The following C3 variants were observed in gnomAD, a reference collection of about 807,000 sequenced individuals.
The protein encoded by C3 is complement C3.
Under a neutral mutation model 207.9 loss-of-function variants are expected in C3, and 97 were observed. The observed-to-expected ratio is 0.47, with a 90% confidence interval of 0.40 to 0.55. The LOEUF is 0.55. Ranked by LOEUF, C3 falls within the 20% of genes least tolerant of loss-of-function variation. The probability of loss-of-function intolerance (pLI) is 0.00; values close to 1 mark genes in which losing one functional copy is unlikely to be tolerated. For missense variants in C3, 1,684 were observed against 2,171.7 expected (o/e 0.78, Z 4.46); for synonymous variants, 848 against 857.6 (o/e 0.99, Z 0.20).
At chr19:6,706,574 G>A (rs1425510141) in intron 17 of C3, among the ~76,000 whole-genome samples, 1 of 151,858 alleles carries the variant, frequency 6.6e-6, no homozygotes, top group Non-Finnish European at 1.5e-5. Flanking sequence ...CCTCAGACAG[G>A]GGCCTCCTCT....
intron 2 of C3, 133 bp from the exon 3 acceptor site, chr19:6,718,545 G>A (rs1906469602): frequency 2.0e-6 from 2 of 1,012,566 alleles, no homozygotes; most frequent in Admixed American, 2.0e-5. Flanking sequence ...GTTTTGGGGA[G>A]GGAGGGGCAT....
chr19:6,709,710 T>C lies in C3; in HGVS notation c.1819A>G (p.Lys607Glu), dbSNP rs140637006. 149 of 1,613,612 alleles carry C rather than the reference T, an allele frequency of 9.2e-5. No individual in the cohort carries two copies. The highest frequency in any genetic ancestry group is 1.1e-4 in the Non-Finnish European group (135 of 1,179,940). ...TTACTCTGCGTCAGTTTGTTCTTCT[T>C]ATTCAGCACGAACACGCCCTTGTCC... Reference protein sequence around the residue: ...AVDKGVFVLNKKNKLTQSKIW... With the variant: ...AVDKGVFVLNEKNKLTQSKIW... Residue 607 changes from lysine (K) to glutamate (E), a missense_variant, in exon 14 of 41, where the codon AAG becomes GAG. Lys to Glu is a moderately conservative substitution (Grantham distance 56, BLOSUM62 1). This residue lies in a region of C3 where 1,280 missense variants were observed against 1,739.1 expected (regional missense o/e 0.74). Transcript: ENST00000245907.
intron 23 of C3, 140 bp from the exon 24 acceptor site, chr19:6,694,774 G>A (rs1392486046): frequency 5.5e-6 from 4 of 727,748 alleles, no homozygotes; most frequent in Non-Finnish European, 9.0e-6. Context: ...TGTGACTGCG[G>A]GGAGGGGAGG....
chr19:6,699,304 C>T (rs1967600399), intron 19 of C3, among the ~76,000 whole-genome samples: 2 of 148,002 alleles, frequency 1.4e-5, no homozygotes, highest in African/African-American at 2.5e-5. Flanking sequence ...CAAACTCCGA[C>T]CTCAAATGAT....
Position 6,713,295 on chromosome 19 carries a change from C to G in C3, c.897G>C (p.Glu299Asp), listed in dbSNP as rs1310478538. The G allele has an allele frequency of 2.5e-6, 4 of 1,613,666 alleles. No individual in the cohort carries two copies. The highest frequency in any genetic ancestry group is 1.7e-5 in the Admixed American group (1 of 59,994). Residue 299 changes from glutamate to aspartate, a missense_variant, in exon 9 of 41, where the codon GAG (glutamate) becomes GAC (aspartate). Around this residue, in one of 3 missense-constraint regions of C3, gnomAD observed 1,280 missense variants for 1,739.1 expected, o/e 0.74. Transcript: ENST00000245907. Reference protein sequence around the residue: ...KRIPIEDGSGEVVLSRKVLLD... With the variant: ...KRIPIEDGSGDVVLSRKVLLD... ...GCAGTACCTTCCGGCTCAGCACAACCTCCCCCGAGCCATCCTCAATCTGAG... is the reference window on the plus strand; with the variant it reads ...GCAGTACCTTCCGGCTCAGCACAACGTCCCCCGAGCCATCCTCAATCTGAG...
chr19:6,697,863 C>T, intron 19 of C3, 69 bp from the exon 20 acceptor site: 2 of 1,511,662 alleles, frequency 1.3e-6, no homozygotes, highest in Non-Finnish European at 1.8e-6. Context: ...TCCTGGGTCT[C>T]AGCTCTTAGT....
At chr19:6,704,162 T>A (rs1342536015) in intron 17 of C3, among the ~76,000 whole-genome samples, 2 of 151,744 alleles carry the variant, frequency 1.3e-5, no homozygotes, top group African/African-American at 2.4e-5. Flanking sequence ...GCACCTGTAG[T>A]CCTAGCTACT....
Position 6,719,231 on chromosome 19 carries a change from T to C in C3, c.247A>G (p.Met83Val). Reference sequence around the variant, plus strand: ...CTCACCGTGAAGGTGACGTTGCCCATGTGGTTGGTGGCAGGGGTCAGCACA... The same window carrying C: ...CTCACCGTGAAGGTGACGTTGCCCACGTGGTTGGTGGCAGGGGTCAGCACA... ...KTVLTPATNH[M>V]GNVTFTIPAN... Residue 83 changes from methionine to valine, a missense_variant, in exon 2 of 41, where the codon ATG becomes GTG. By Grantham distance (21) the Met-to-Val change is conservative. Transcript: ENST00000245907. The surrounding 1 kb of genome is among the most constrained non-coding windows in gnomAD (Gnocchi z 5.4). 1.2e-6 allele frequency: 2 copies of C among 1,613,782 alleles called. No individual in the cohort carries two copies. The highest frequency in any genetic ancestry group is 1.1e-5 in the South Asian group (1 of 91,066).
intron 8 of C3, 24 bp downstream of exon 8, chr19:6,713,383 C>T: frequency 6.2e-7 from 1 of 1,613,870 alleles, no homozygotes; most frequent in Non-Finnish European, 8.5e-7. Context: ...GGGCAGGGAT[C>T]AAAGCGGCCT....
intron 17 of C3, among the ~76,000 whole-genome samples, chr19:6,704,758 C>CA (rs1967738647): frequency 6.6e-6 from 1 of 151,744 alleles, no homozygotes; most frequent in Non-Finnish European, 1.5e-5. Context: ...GACTCCATCT[C>CA]AAAAAAACAA....
intron 13 of C3, among the ~76,000 whole-genome samples, 190 bp downstream of exon 13, chr19:6,710,449 G>A (rs370176057): frequency 3.7e-4 from 55 of 149,924 alleles, no homozygotes; most frequent in African/African-American, 1.3e-3. Context: ...TGTAGAGAGA[G>A]GGAAAGAGAG....
rs117444774 is a variant in C3 at position 6,712,717 on chromosome 19, C to T, written c.1004-94G>A. 3.9e-3 allele frequency: 4,053 copies of T among 1,042,940 alleles called. 79 individuals carry two copies. Among genetic ancestry groups the T allele is most frequent in the East Asian group, 0.024 (1,035 of 42,292 alleles). The allele number at this position is 1,042,940 out of a possible 1,614,324, so 64.6% of individuals were successfully genotyped here. ...GGACCCCAACTTCAGACTAGACCTCCTCCCTCAGAGTAGAGTCCACTTTCA... is the reference window on the plus strand; with the variant it reads ...GGACCCCAACTTCAGACTAGACCTCTTCCCTCAGAGTAGAGTCCACTTTCA... On this transcript the variant is annotated intron_variant, in intron 9 of 40. Coordinates refer to ENST00000245907, the MANE Select transcript of C3 (RefSeq NM_000064.4).
At chr19:6,678,529 C>T in intron 38 of C3, 74 bp from the exon 39 acceptor site, 1 of 1,236,316 alleles carries the variant, frequency 8.1e-7, no homozygotes, top group African/African-American at 1.5e-5. Context: ...TGCAAGTGCA[C>T]CCGGGCATGT....
At position 6,694,570 on chromosome 19, in the gene C3, C is replaced by A. The variant is rs1340489185; in HGVS notation, c.3015G>T (p.Val1005=). The A allele has an allele frequency of 5.0e-6, 8 of 1,614,078 alleles. No individual in the cohort carries two copies. The Admixed American group carries it at 1.2e-4, about 24-fold the overall frequency. The change falls in exon 24 of 41, where the codon GTG becomes GTT. Residue 1005 remains valine (V), a synonymous_variant. Coordinates refer to ENST00000245907, the MANE Select transcript of C3 (RefSeq NM_000064.4). Reference sequence around the variant, plus strand: ...TCTGTTCCCCGCAGCCCGAGGGGGTCACAATGAGGTGCTTCAGCCGTTCCG... The same window carrying A: ...TCTGTTCCCCGCAGCCCGAGGGGGTAACAATGAGGTGCTTCAGCCGTTCCG... The part of the protein sequence containing the change: ...VDAERLKHLI[V]TPSGCGEQNM...
At position 6,719,074 on chromosome 19, in the gene C3, G is replaced by A; in HGVS notation, c.267+137C>T. 1.3e-6 allele frequency: 1 copy of A among 774,450 alleles called. No individual in the cohort carries two copies. 48.0% of individuals were successfully genotyped at this position (774,450 alleles called of 1,614,324 possible). On this transcript the variant is annotated intron_variant, in intron 2 of 40. Coordinates refer to ENST00000245907, the MANE Select transcript of C3 (RefSeq NM_000064.4). This position sits in a 1 kb window ranked among gnomAD's most constrained non-coding sequence, Gnocchi z 5.4. ...AGAAGGGAGGGGCTTAGAAGGAGAG[G>A]CGACTCCGAAGGGGTGGAGTCTCAG...
chr19:6,712,459 C>T (rs779384019), intron 10 of C3, 49 bp downstream of exon 10: 109 of 1,614,074 alleles, frequency 6.8e-5, no homozygotes, highest in Middle Eastern at 4.9e-4. Context: ...GGGCTGTGGC[C>T]GGTGTCCCCG....
Position 6,711,004 on chromosome 19 carries a change from G to C in C3, c.1462C>G (p.Arg488Gly), listed in dbSNP as rs768129380. ...CCACGGACCAGGTAGGTGTAGTAGC[G>C]GATCTTGGCCTCGTGGGCGCGGTCC... is the stretch of plus-strand genomic sequence containing the variant. ...RMDRAHEAKI[R>G]YYTYLIMNKG... The change falls in exon 12 of 41, where the codon CGC (arginine) becomes GGC (glycine). Residue 488 changes from arginine to glycine, a missense_variant. Arg to Gly is a moderately radical substitution (Grantham distance 125, BLOSUM62 -2). Around this residue, in one of 3 missense-constraint regions of C3, gnomAD observed 1,280 missense variants for 1,739.1 expected, o/e 0.74. Transcript: ENST00000245907. The C allele has an allele frequency of 6.2e-7, 1 of 1,613,964 alleles. No homozygotes were observed. The highest frequency in any genetic ancestry group is 8.5e-7 in the Non-Finnish European group (1 of 1,179,982).
chr19:6,681,941 C>A lies in C3; in HGVS notation c.4350G>T (p.Lys1450Asn), dbSNP rs763510721. Reference sequence around the variant, plus strand: ...CCAGGGGAGGATGATGCAGCCTTACCTTGTCCAGGTAGATGATGAGGGTGT... The same window carrying A: ...CCAGGGGAGGATGATGCAGCCTTACATTGTCCAGGTAGATGATGAGGGTGT... ...DRNTLIIYLD[K>N]VSHSEDDCLA... The change falls in exon 35 of 41, where the codon AAG becomes AAT. Residue 1450 changes from lysine to asparagine, a missense_variant and splice_region_variant. By Grantham distance (94) the Lys-to-Asn change is moderately conservative (BLOSUM62 0). Transcript: ENST00000245907. The A allele has an allele frequency of 1.1e-5, 18 of 1,612,592 alleles. No homozygotes were observed. Among genetic ancestry groups the A allele is most frequent in the Non-Finnish European group, 1.5e-5 (18 of 1,178,808 alleles).
intron 17 of C3, among the ~76,000 whole-genome samples, chr19:6,703,966 C>CAAACAAAA (rs1555685890): frequency 6.6e-6 from 1 of 150,866 alleles, no homozygotes; most frequent in Non-Finnish European, 1.5e-5. Context: ...AACAAACAAA[C>CAAACAAAA]AAAAAACAAA....
Sources: allele counts gnomAD v4.1 joint callset (sites outside exome capture counted in the v4.1 genomes callset), GRCh38; gene constraint gnomAD v4.1.1; regional missense constraint gnomAD v4.1.1; non-coding constraint Gnocchi (gnomAD v3.1); transcripts MANE v1.5; gene names NCBI Gene and HGNC (gene_info 2026-07-23, HGNC 2026-07-21).